Variants in DGKA observed in about 807,000 individuals in gnomAD.
DGKA encodes 80 kDa diacylglycerol kinase.
Under a neutral mutation model 105.0 loss-of-function variants are expected in DGKA, and 35 were observed. The observed-to-expected ratio is 0.33, with a 90% CI of 0.25 to 0.44. The LOEUF is 0.44. DGKA is among the 20% of genes least tolerant of loss of function. The probability of loss-of-function intolerance (pLI) is 1.00; values close to 1 mark genes in which losing one functional copy is unlikely to be tolerated. For missense variants in DGKA, 665 were observed against 915.0 expected (o/e 0.73, Z 3.53); for synonymous variants, 296 against 332.0 (o/e 0.89, Z 1.18).
intron 23 of DGKA, 99 bp from the exon 24 acceptor site, chr12:55,953,586 G>A: frequency 1.4e-6 from 2 of 1,412,360 alleles, no homozygotes; most frequent in South Asian, 2.4e-5. Context: ...TAGGAACCTA[G>A]CAACCCACCC....
intron 17 of DGKA, among the ~76,000 whole-genome samples, chr12:55,950,996 A>G (rs1445537589): frequency 6.6e-6 from 1 of 152,154 alleles, no homozygotes; most frequent in Admixed American, 6.6e-5. Flanking sequence ...AGTGGCCTGT[A>G]ATCCCAGCAC....
rs776348177 is a variant in DGKA at position 55,939,322 on chromosome 12, T to C, written c.594+17T>C. On this transcript the variant is annotated intron_variant, in intron 8 of 23. Coordinates refer to ENST00000331886, the MANE Select transcript of DGKA (RefSeq NM_001345.5). ...CTGGAGATGGTGAGTAGGAGAGACT[T>C]TGGGGGATGAGTAAGACAGCCTTGG... The C allele has an allele frequency of 6.2e-7, 1 of 1,612,956 alleles. No individual in the cohort carries two copies. Among genetic ancestry groups the C allele is most frequent in the African/African-American group, 1.3e-5 (1 of 74,960 alleles).
intron 15 of DGKA, 29 bp downstream of exon 15, chr12:55,941,613 G>C: frequency 6.2e-7 from 1 of 1,607,078 alleles, no homozygotes; most frequent in East Asian, 2.2e-5. Flanking sequence ...CTGTATCACA[G>C]TGTTTTCGTG....
chr12:55,942,053 G>A lies in DGKA; in HGVS notation c.1306G>A (p.Gly436Ser), dbSNP rs1886124547. The A allele has an allele frequency of 3.7e-6, 6 of 1,613,990 alleles. No individual in the cohort carries two copies. The highest frequency in any genetic ancestry group is 5.1e-6 in the Non-Finnish European group (6 of 1,180,028). Residue 436 changes from glycine (G) to serine (S), a missense_variant, in exon 16 of 24, where the codon GGC (glycine) becomes AGC (serine). By Grantham distance (56) the Gly-to-Ser change is moderately conservative (BLOSUM62 0). Around this residue, in one of 3 missense-constraint regions of DGKA, gnomAD observed 504 missense variants for 681.2 expected, o/e 0.74. Coordinates refer to ENST00000331886, the MANE Select transcript of DGKA (RefSeq NM_001345.5). ...DSRILVCGGD[G>S]TVGWILETID... ...CCGGATTTTGGTGTGTGGTGGAGACGGCACAGTAGGCTGGATTCTAGAGAC... is the reference window on the plus strand; with the variant it reads ...CCGGATTTTGGTGTGTGGTGGAGACAGCACAGTAGGCTGGATTCTAGAGAC...
In DGKA at chr12:55,938,902, CT is replaced by C. The variant is rs1334364868; in HGVS notation, c.400-8del. On this transcript the variant is annotated splice_polypyrimidine_tract_variant and intron_variant, in intron 6 of 23. Transcript: ENST00000331886. ...AGGGGATATGGCTGTGGCTCTTGCCCTTTTTGCTCCAGGAAGTGGACAAAAT... is the reference window on the plus strand; with the variant it reads ...AGGGGATATGGCTGTGGCTCTTGCCCTTTTGCTCCAGGAAGTGGACAAAAT... 5 of 1,614,168 alleles carry C rather than the reference CT, an allele frequency of 3.1e-6. No individual in the cohort carries two copies. Among genetic ancestry groups the C allele is most frequent in the Non-Finnish European group, 4.2e-6 (5 of 1,180,002 alleles).
intron 23 of DGKA, 41 bp downstream of exon 23, chr12:55,953,451 C>T (rs1888570015): frequency 6.3e-7 from 1 of 1,594,186 alleles, no homozygotes; most frequent in South Asian, 1.1e-5. Context: ...AACCCTTGGG[C>T]TCCATGGATC....
In DGKA at chr12:55,932,326, G is replaced by A. The variant is rs1883745993; in HGVS notation, c.-82+982G>A. On this transcript the variant is annotated intron_variant, in intron 1 of 23. Coordinates refer to ENST00000331886, the MANE Select transcript of DGKA (RefSeq NM_001345.5). The surrounding 1 kb of genome is among the most constrained non-coding windows in gnomAD (Gnocchi z 4.3). ...GCTGGGCCCGAACCCGGTGGGTAAC[G>A]TTTCCCAGACCTTCCCCTCCATCCC... 7.1e-6 allele frequency: 4 copies of A among 565,012 alleles called. No homozygotes were observed. The highest frequency in any genetic ancestry group is 1.3e-5 in the Non-Finnish European group (4 of 314,824). 35.0% of individuals were successfully genotyped at this position (565,012 alleles called of 1,614,324 possible).
intron 18 of DGKA, 53 bp from the exon 19 acceptor site, chr12:55,951,982 C>T: frequency 6.2e-7 from 1 of 1,602,734 alleles, no homozygotes; most frequent in Non-Finnish European, 8.5e-7. Context: ...AGAGGGGAGA[C>T]CGGGAGGGAG....
upstream of DGKA, chr12:55,927,693 G>A: frequency 6.5e-7 from 1 of 1,539,012 alleles, no homozygotes. Context: ...CGGGAGGGGC[G>A]TGCAAGGCGG....
chr12:55,929,691 G>C (rs1394832378), upstream of DGKA: 1 of 152,190 alleles, frequency 6.6e-6, no homozygotes, highest in Non-Finnish European at 1.5e-5. Flanking sequence ...AAAGAAATGA[G>C]CACCTGGAAC....
chr12:55,936,411 A>G lies in DGKA; in HGVS notation c.-81-12A>G, dbSNP rs1884709863. ...GGCTCTTCCCACTGTACGCTCTGTC[A>G]CCTTTCCCCAGGCCTACCCTCTGAA... On this transcript the variant is annotated splice_polypyrimidine_tract_variant and intron_variant, in intron 1 of 23. Coordinates refer to ENST00000331886, the MANE Select transcript of DGKA (RefSeq NM_001345.5). The G allele has an allele frequency of 1.3e-6, 2 of 1,532,734 alleles. No individual in the cohort carries two copies. Among genetic ancestry groups the G allele is most frequent in the African/African-American group, 1.4e-5 (1 of 72,552 alleles). The allele number at this position is 1,532,734 out of a possible 1,614,324, so 94.9% of individuals were successfully genotyped here.
chr12:55,937,158 C>G lies in DGKA; in HGVS notation c.138+68C>G, dbSNP rs898775635. On this transcript the variant is annotated intron_variant, in intron 3 of 23. Transcript: ENST00000331886. ...CATCTTTGTTTTTGATCCCCAACTT[C>G]CAGGAATTATTCTGGGCCTGCCCCT... 2.6e-4 allele frequency: 398 copies of G among 1,556,562 alleles called. 1 individual carries two copies. The highest frequency in any genetic ancestry group is 5.0e-5 in the Non-Finnish European group (56 of 1,127,868).
At chr12:55,953,233 G>T (rs768229506) in intron 22 of DGKA, 73 bp downstream of exon 22, 10 of 1,611,414 alleles carry the variant, frequency 6.2e-6, no homozygotes, top group Non-Finnish European at 8.5e-6. Flanking sequence ...TGGGAATGGT[G>T]GGGAGGGGCT....
At position 55,952,937 on chromosome 12, in the gene DGKA, G is replaced by A. The variant is rs1360747264; in HGVS notation, c.1942+5G>A. 6.2e-7 allele frequency: 1 copy of A among 1,614,174 alleles called. No individual in the cohort carries two copies. The highest frequency in any genetic ancestry group is 8.5e-7 in the Non-Finnish European group (1 of 1,180,016). On this transcript the variant is annotated splice_donor_5th_base_variant and intron_variant, in intron 21 of 23. Transcript: ENST00000331886. This position sits in a 1 kb window ranked among gnomAD's most constrained non-coding sequence, Gnocchi z 5.1. The stretch of plus-strand genomic sequence containing the variant: ...TCCTGAAAACCTGTGTACCAGGTGA[G>A]AGGAGCAGCCTTGGGAGCTGAGTGG...
At chr12:55,949,858 C>T (rs1887787543) in intron 17 of DGKA, among the ~76,000 whole-genome samples, 1 of 152,086 alleles carries the variant, frequency 6.6e-6, no homozygotes, top group Admixed American at 6.5e-5. Flanking sequence ...TGCTCTGCTG[C>T]TCATGCTGGA....
upstream of DGKA, chr12:55,927,532 G>C: frequency 1.4e-6 from 1 of 724,506 alleles, no homozygotes; most frequent in Admixed American, 2.6e-5. Context: ...GAGCGGCTTG[G>C]TGACGTGGAG....
upstream of DGKA, chr12:55,927,420 C>A (rs1382417458): frequency 1.4e-6 from 1 of 708,660 alleles, no homozygotes; most frequent in South Asian, 1.5e-5. Context: ...ACGTCCAGGA[C>A]CTGCGAGGGA....
rs1255736531 is a variant in DGKA, at chr12:55,952,108, A to G, written c.1652+9A>G. 3.1e-6 allele frequency: 5 copies of G among 1,613,978 alleles called. No homozygotes were observed. Among genetic ancestry groups the G allele is most frequent in the Non-Finnish European group, 4.2e-6 (5 of 1,180,018 alleles). On this transcript the variant is annotated intron_variant, in intron 19 of 23. Coordinates refer to ENST00000331886, the MANE Select transcript of DGKA (RefSeq NM_001345.5). This position sits in a 1 kb window ranked among gnomAD's most constrained non-coding sequence, Gnocchi z 5.1. ...GAGAAGTTCAACAGCAGGTTAGGGA[A>G]AGGAGGGGGCAGTGTGGGCATACAC...
rs189430543 is a variant in DGKA at position 55,942,289 on chromosome 12, G to A, written c.1426+26G>A. ...GTAAGTGGTTAGAAATTGTTTTGCT[G>A]TAGGCTGAGAGGAGTTGTGTAGGAA... On this transcript the variant is annotated intron_variant, in intron 17 of 23. Coordinates refer to ENST00000331886, the MANE Select transcript of DGKA (RefSeq NM_001345.5). 2.5e-5 allele frequency: 40 copies of A among 1,610,192 alleles called. No individual in the cohort carries two copies. The African/African-American group carries it at 4.9e-4, about 20-fold the overall frequency.
Sources: gnomAD v4.1 joint callset for allele counts (sites outside exome capture counted in the v4.1 genomes callset) on GRCh38, gnomAD v4.1.1 for gene constraint, gnomAD v4.1.1 regional missense constraint, Gnocchi (gnomAD v3.1) non-coding constraint, MANE v1.5 for transcripts, NCBI Gene and HGNC (gene_info 2026-07-23, HGNC 2026-07-21) for gene names.